Variants in TMEM132D observed in about 807,000 individuals in gnomAD.
TMEM132D encodes transmembrane protein 132D.
A neutral mutation model predicts 62.3 loss-of-function variants in TMEM132D; 21 were observed. The observed-to-expected ratio is 0.34, with a 90% CI of 0.24 to 0.49. The LOEUF (loss-of-function observed/expected upper bound fraction) is 0.49. Ranked by LOEUF, TMEM132D falls within the 20% of genes least tolerant of loss-of-function variation. The pLI is 0.99. For missense variants in TMEM132D, 1,346 were observed against 1,402.8 expected, an observed-to-expected ratio of 0.96 and a Z score of 0.65; for synonymous variants, 621 against 575.6, an observed-to-expected ratio of 1.08 and a Z score of -1.13.
intron 1 of TMEM132D, among the ~76,000 whole-genome samples, chr12:129,777,315 A>AT (rs1427600516): frequency 6.6e-6 from 1 of 152,108 alleles, no homozygotes; most frequent in Admixed American, 6.6e-5. Flanking sequence ...CCAGACACCC[A>AT]TTTTTTTCTA....
chr12:129,774,491 A>T (rs1387681173), intron 1 of TMEM132D, among the ~76,000 whole-genome samples: 1 of 152,190 alleles, frequency 6.6e-6, no homozygotes. Flanking sequence ...TCCATCAAGC[A>T]GGTGGGGGGC....
chr12:129,822,783 G>C (rs149098814), intron 1 of TMEM132D, among the ~76,000 whole-genome samples: 1 of 152,144 alleles, frequency 6.6e-6, no homozygotes, highest in Admixed American at 6.5e-5. Flanking sequence ...TCACCATGAC[G>C]AGCATGGGGA....
At chr12:129,451,631 G>A (rs1873289564) in intron 3 of TMEM132D, among the ~76,000 whole-genome samples, 1 of 152,214 alleles carries the variant, frequency 6.6e-6, no homozygotes, top group Admixed American at 6.6e-5. Flanking sequence ...TATTAAAGAT[G>A]TCAAGAACTA....
At chr12:129,328,059 C>T (rs1868976204) in intron 4 of TMEM132D, among the ~76,000 whole-genome samples, 2 of 152,216 alleles carry the variant, frequency 1.3e-5, no homozygotes, top group Admixed American at 1.3e-4. Flanking sequence ...TCTGGAAAGC[C>T]AGCTCCTTTC....
At chr12:129,895,517 A>C (rs1375983019) in intron 1 of TMEM132D, among the ~76,000 whole-genome samples, 1 of 152,248 alleles carries the variant, frequency 6.6e-6, no homozygotes, top group Non-Finnish European at 1.5e-5. Flanking sequence ...TCTTGACCAC[A>C]AGGCCTCCTC....
chr12:129,529,114 C>T (rs1433461606), intron 3 of TMEM132D, among the ~76,000 whole-genome samples: 1 of 151,606 alleles, frequency 6.6e-6, no homozygotes, highest in Non-Finnish European at 1.5e-5. Context: ...TCATCCAGAC[C>T]CATAGTATGA....
intron 4 of TMEM132D, among the ~76,000 whole-genome samples, chr12:129,302,763 C>A (rs971096576): frequency 6.6e-6 from 1 of 152,206 alleles, no homozygotes; most frequent in Non-Finnish European, 1.5e-5. Flanking sequence ...CCACCAACAG[C>A]CCCTTGGCCA....
chr12:129,410,933 T>C (rs1226491982), intron 3 of TMEM132D, among the ~76,000 whole-genome samples: 1 of 152,202 alleles, frequency 6.6e-6, no homozygotes, highest in Admixed American at 6.5e-5. Flanking sequence ...TAAGGGTATT[T>C]TATTAGTTTC....
At chr12:129,871,566 C>T (rs1242679895) in intron 1 of TMEM132D, among the ~76,000 whole-genome samples, 1 of 152,048 alleles carries the variant, frequency 6.6e-6, no homozygotes, top group Non-Finnish European at 1.5e-5. Context: ...TCGAAATCCA[C>T]TTAAATGTTT....
intron 3 of TMEM132D, among the ~76,000 whole-genome samples, chr12:129,486,144 T>C (rs1874572063): frequency 1.3e-5 from 2 of 152,232 alleles, no homozygotes; most frequent in Admixed American, 6.5e-5. Context: ...GTATTACCTG[T>C]CCTCTTCCTC....
At chr12:129,553,756 G>A (rs116148930) in intron 2 of TMEM132D, among the ~76,000 whole-genome samples, 381 of 152,250 alleles carry the variant, frequency 2.5e-3, no homozygotes, top group African/African-American at 8.7e-3. Flanking sequence ...CGTCTATTCC[G>A]CAGTCCTCTT....
chr12:129,605,622 TACACAC>T lies in TMEM132D; in HGVS notation c.969-74423_969-74418del, dbSNP rs55684861. Among the ~76,000 whole-genome samples, 1,206 of 126,582 alleles carry T rather than the reference TACACAC, an allele frequency of 9.5e-3. 15 individuals are homozygous for T. The highest frequency in any genetic ancestry group is 0.02 in the African/African-American group (638 of 32,666). The allele number at this position is 126,582 out of a possible 152,430, so 83.0% of individuals were successfully genotyped here. A position where few individuals can be genotyped will look rare whatever the true frequency, so the allele number is the denominator to read the frequency against. On this transcript the variant is annotated intron_variant, in intron 2 of 8. Coordinates refer to ENST00000422113, the MANE Select transcript of TMEM132D (RefSeq NM_133448.3). ...ATATATATACACACACATATATATA[TACACAC>T]ACACACACACACACACACAAATATA...
intron 3 of TMEM132D, among the ~76,000 whole-genome samples, chr12:129,499,351 C>G (rs1038792849): frequency 6.6e-6 from 1 of 152,078 alleles, no homozygotes; most frequent in African/African-American, 2.4e-5. Flanking sequence ...CTTGTTGAAC[C>G]AGGGGAATGA....
At chr12:129,297,746 A>G (rs897891315) in intron 4 of TMEM132D, among the ~76,000 whole-genome samples, 1 of 152,182 alleles carries the variant, frequency 6.6e-6, no homozygotes, top group African/African-American at 2.4e-5. Context: ...TCGTTATCAA[A>G]CGACCTCATC....
At chr12:129,476,658 GGC>G (rs779547951) in intron 3 of TMEM132D, among the ~76,000 whole-genome samples, 3 of 152,128 alleles carry the variant, frequency 2.0e-5, no homozygotes, top group Non-Finnish European at 4.4e-5. Flanking sequence ...AATACCATAA[GGC>G]GCGCTTTCTC....
intron 2 of TMEM132D, among the ~76,000 whole-genome samples, chr12:129,557,368 A>G (rs1330375395): frequency 6.6e-6 from 1 of 152,162 alleles, no homozygotes; most frequent in Non-Finnish European, 1.5e-5. Context: ...GAAATGAGAG[A>G]AATGAGGAGA....
chr12:129,788,507 A>G (rs979617201), intron 1 of TMEM132D, among the ~76,000 whole-genome samples: 5 of 152,258 alleles, frequency 3.3e-5, no homozygotes, highest in Non-Finnish European at 7.3e-5. Flanking sequence ...ATATAGAGAT[A>G]TAGCTATAAA....
intron 1 of TMEM132D, among the ~76,000 whole-genome samples, chr12:129,847,554 G>A (rs1367481544): frequency 6.6e-6 from 1 of 152,166 alleles, no homozygotes; most frequent in Admixed American, 6.5e-5. Context: ...AAAATCAGCA[G>A]AGGCATCAGC....
chr12:129,801,044 G>T (rs79632921), intron 1 of TMEM132D, among the ~76,000 whole-genome samples: 1 of 152,182 alleles, frequency 6.6e-6, no homozygotes, highest in Non-Finnish European at 1.5e-5. Context: ...ATTATATCCC[G>T]CACCTGGCTC....
Sources: gnomAD v4.1 joint callset for allele counts (sites outside exome capture counted in the v4.1 genomes callset) on GRCh38, gnomAD v4.1.1 for gene constraint, MANE v1.5 for transcripts, NCBI Gene and HGNC (gene_info 2026-07-23, HGNC 2026-07-21) for gene names.